The following ADGRL3 variants were observed in gnomAD, a reference collection of about 807,000 sequenced individuals.
ADGRL3 encodes adhesion G protein-coupled receptor L3.
Under a neutral mutation model 153.5 loss-of-function variants are expected in ADGRL3, and 62 were observed. The ratio of observed to expected loss-of-function variants is 0.40; its 90% CI spans 0.33 to 0.50. The LOEUF (loss-of-function observed/expected upper bound fraction) is 0.50, where lower values mean the gene tolerates loss of function less well. ADGRL3 is among the 20% of genes least tolerant of loss of function. ADGRL3 has a pLI of 0.47. For missense variants in ADGRL3, 1,641 were observed against 1,859.4 expected, an observed-to-expected ratio of 0.88 and a Z score of 2.16; for synonymous variants, 710 against 672.5, an observed-to-expected ratio of 1.06 and a Z score of -0.86.
chr4:61,579,627 G>T, intron 4 of ADGRL3: 1 of 511,946 alleles, frequency 2.0e-6, no homozygotes, highest in Non-Finnish European at 3.9e-6. Flanking sequence ...TAAGTCAAAA[G>T]AATAGCTGCT....
At chr4:61,710,357 A>C (rs2151454123) in intron 6 of ADGRL3, among the ~76,000 whole-genome samples, 2 of 152,224 alleles carry the variant, frequency 1.3e-5, no homozygotes, top group South Asian at 2.1e-4. Flanking sequence ...AATATCCTTA[A>C]ATTTATGCAG....
chr4:61,432,266 T>A (rs1220899911), intron 2 of ADGRL3, among the ~76,000 whole-genome samples: 4 of 152,242 alleles, frequency 2.6e-5, no homozygotes, highest in Non-Finnish European at 4.4e-5. Flanking sequence ...TGGTTATGAC[T>A]ATTCTCCTTT....
rs113610978 is a variant in ADGRL3, at chr4:61,612,048, G to A, written c.473+24608G>A. 3.1e-4 allele frequency among the ~76,000 whole-genome samples: 47 copies of A among 152,182 alleles called. 2 individuals carry two copies. The highest frequency in any genetic ancestry group is 1.1e-3 in the African/African-American group (46 of 41,536). ...GGTAAAAATGGAAATTTGGTCATTT[G>A]AAGAGAATAAAGTTGAAAACATAAA... On this transcript the variant is annotated intron_variant, in intron 5 of 26. Coordinates refer to ENST00000683033, the MANE Select transcript of ADGRL3 (RefSeq NM_001387552.1).
intron 2 of ADGRL3, among the ~76,000 whole-genome samples, chr4:61,401,237 C>T (rs371410214): frequency 2.6e-5 from 4 of 151,836 alleles, no homozygotes; most frequent in South Asian, 4.1e-4. Context: ...ACAAATTATA[C>T]TGATTAATTC....
intron 9 of ADGRL3, among the ~76,000 whole-genome samples, chr4:61,859,929 G>C (rs2098323402): frequency 6.6e-6 from 1 of 152,204 alleles, no homozygotes; most frequent in South Asian, 2.1e-4. Context: ...GTCTGAGTTA[G>C]AGAAATATGG....
chr4:61,479,845 A>T (rs2098113309), intron 2 of ADGRL3, among the ~76,000 whole-genome samples: 1 of 152,164 alleles, frequency 6.6e-6, no homozygotes, highest in African/African-American at 2.4e-5. Context: ...ATACAAAATT[A>T]TCAATTTAAT....
In ADGRL3 at chr4:62,021,718, T is replaced by C. The variant is rs566336161; in HGVS notation, c.3396-7137T>C. On this transcript the variant is annotated intron_variant, in intron 21 of 26. Coordinates refer to ENST00000683033, the MANE Select transcript of ADGRL3 (RefSeq NM_001387552.1). ...CAAACTTTTTCATTATTATTATATCTGTTAGGGTTATCTGTGGTTACTGAT... is the reference window on the plus strand; with the variant it reads ...CAAACTTTTTCATTATTATTATATCCGTTAGGGTTATCTGTGGTTACTGAT... Among the ~76,000 whole-genome samples the C allele has an allele frequency of 2.0e-5, 3 of 152,276 alleles. No homozygotes were observed. The South Asian group carries it at 6.2e-4, about 32-fold the overall frequency.
Position 61,243,531 on chromosome 4 carries a change from G to A in ADGRL3, c.-240+41766G>A, listed in dbSNP as rs1164713673. Among the ~76,000 whole-genome samples, 7 of 152,118 alleles carry A rather than the reference G, an allele frequency of 4.6e-5. No homozygotes were observed. The South Asian group carries it at 1.5e-3, about 32-fold the overall frequency. On this transcript the variant is annotated intron_variant, in intron 1 of 26. Coordinates refer to ENST00000683033, the MANE Select transcript of ADGRL3 (RefSeq NM_001387552.1). Reference sequence around the variant, plus strand: ...CTTCGAATTACAGGTTTCTGCATGAGAGAGAGACTTAGAGTTTCCTCTAGC... The same window carrying A: ...CTTCGAATTACAGGTTTCTGCATGAAAGAGAGACTTAGAGTTTCCTCTAGC...
chr4:61,666,543 G>GA (rs35300313), intron 5 of ADGRL3, among the ~76,000 whole-genome samples: 57,685 of 142,914 alleles, frequency 0.4, 12,797 homozygotes, highest in East Asian at 0.57. Flanking sequence ...TGTCCCAGAT[G>GA]AAAAAAAAAA....
intron 17 of ADGRL3, among the ~76,000 whole-genome samples, chr4:61,962,281 A>T (rs549516731): frequency 6.6e-6 from 1 of 152,300 alleles, no homozygotes; most frequent in South Asian, 2.1e-4. Context: ...ATATTATATT[A>T]CTTAACTCCT....
chr4:61,318,925 A>T (rs934068275), intron 1 of ADGRL3, among the ~76,000 whole-genome samples: 1 of 152,186 alleles, frequency 6.6e-6, no homozygotes, highest in Non-Finnish European at 1.5e-5. Flanking sequence ...AGCAATTATG[A>T]GTTGTCAGAT....
At chr4:61,478,775 A>C (rs928452564) in intron 2 of ADGRL3, among the ~76,000 whole-genome samples, 22 of 152,094 alleles carry the variant, frequency 1.4e-4, no homozygotes, top group Non-Finnish European at 2.1e-4. Flanking sequence ...ATAATAATGC[A>C]TGCTTTCCTA....
chr4:61,965,532 G>A (rs774272895), intron 17 of ADGRL3, among the ~76,000 whole-genome samples: 43 of 152,080 alleles, frequency 2.8e-4, no homozygotes, highest in African/African-American at 1.0e-3. Flanking sequence ...GGTGGATCAC[G>A]AGGTCAGGAG....
chr4:61,884,240 A>G (rs1019714391), intron 9 of ADGRL3, among the ~76,000 whole-genome samples: 2 of 152,174 alleles, frequency 1.3e-5, no homozygotes, highest in African/African-American at 4.8e-5. Flanking sequence ...ATCAGAAAAT[A>G]TGGGTACATA....
intron 17 of ADGRL3, among the ~76,000 whole-genome samples, chr4:61,975,196 G>A (rs2099043716): frequency 6.6e-6 from 1 of 152,116 alleles, no homozygotes; most frequent in Admixed American, 6.6e-5. Flanking sequence ...AATAATGCAA[G>A]GAAAGCAATA....
chr4:61,674,882 A>G (rs777074485), intron 5 of ADGRL3, among the ~76,000 whole-genome samples: 1 of 151,976 alleles, frequency 6.6e-6, no homozygotes, highest in African/African-American at 2.4e-5. Context: ...AAACATCGAG[A>G]TAACATATTT....
intron 1 of ADGRL3, among the ~76,000 whole-genome samples, chr4:61,214,354 A>G (rs138662153): frequency 6.6e-6 from 1 of 152,248 alleles, no homozygotes; most frequent in East Asian, 1.9e-4. Flanking sequence ...TCTTGAACGG[A>G]CCTCGTATCT....
chr4:61,804,955 A>ATT (rs1334517530), intron 8 of ADGRL3, among the ~76,000 whole-genome samples: 3,147 of 115,516 alleles, frequency 0.027, 48 homozygotes, highest in Middle Eastern at 0.055. Flanking sequence ...ATTTATTTTT[A>ATT]TTTATTTATT....
chr4:62,053,427 T>A (rs1006776421), intron 25 of ADGRL3, among the ~76,000 whole-genome samples: 1 of 151,572 alleles, frequency 6.6e-6, no homozygotes, highest in Non-Finnish European at 1.5e-5. Flanking sequence ...TCTCCTATGA[T>A]TTTTTATAAT....
Sources: allele counts gnomAD v4.1 joint callset (sites outside exome capture counted in the v4.1 genomes callset), GRCh38; gene constraint gnomAD v4.1.1; transcripts MANE v1.5; gene names NCBI Gene and HGNC (gene_info 2026-07-23, HGNC 2026-07-21).